LCT: variants seen among roughly 807,000 people sequenced by gnomAD.
LCT encodes the protein lactase.
LCT carries 90 observed loss-of-function variants against 173.0 expected under a neutral mutation model. The observed-to-expected ratio is 0.52, with a 90% CI of 0.44 to 0.62. The LOEUF (loss-of-function observed/expected upper bound fraction) is 0.62. Ranked by LOEUF, LCT falls within the 20% of genes least tolerant of loss-of-function variation. The probability of loss-of-function intolerance (pLI) is 0.00; values close to 1 mark genes in which losing one functional copy is unlikely to be tolerated. For synonymous variants in LCT, 853 were observed against 957.6 expected (o/e 0.89, Z 2.02); for missense variants, 1,864 against 2,431.4 (o/e 0.77, Z 4.91).
chr2:135,803,931 T>C lies in LCT; in HGVS notation c.4662A>G (p.Pro1554=), dbSNP rs2077647566. The change falls in exon 11 of 17, where the codon CCA becomes CCG. Residue 1554 remains proline, a splice_region_variant and synonymous_variant. Transcript: ENST00000264162. The stretch of plus-strand genomic sequence containing the variant: ...CTATGAGCCAGGGCTGGGACTTACC[T>C]GGAGCTGCTGTTCCGTAGCCATAGC... ...YQGYGYGTAA[P]GVSNRPGTAP... is the part of the protein sequence containing the mutation. 1 of 1,613,174 alleles carries C rather than the reference T, an allele frequency of 6.2e-7. No individual in the cohort carries two copies. The highest frequency in any genetic ancestry group is 1.3e-5 in the African/African-American group (1 of 74,934).
chr2:135,789,442 T>A, intron 16 of LCT, 129 bp downstream of exon 16: 1 of 717,366 alleles, frequency 1.4e-6, no homozygotes. Context: ...AAATAAACAT[T>A]TGTTGAATGA....
intron 13 of LCT, among the ~76,000 whole-genome samples, chr2:135,795,917 T>C (rs1264804172): frequency 2.0e-5 from 3 of 151,994 alleles, no homozygotes; most frequent in Admixed American, 2.0e-4. Flanking sequence ...TGCGTCACCA[T>C]GCCTAGATAA....
chr2:135,832,853 A>G (rs1249830850), intron 2 of LCT, among the ~76,000 whole-genome samples: 1 of 151,976 alleles, frequency 6.6e-6, no homozygotes, highest in Non-Finnish European at 1.5e-5. Context: ...CTTATCCTAT[A>G]AGCTATTTTG....
chr2:135,836,452 G>T, intron 1 of LCT, 78 bp downstream of exon 1: 2 of 1,314,696 alleles, frequency 1.5e-6, no homozygotes, highest in Non-Finnish European at 2.2e-6. Context: ...GAGAAATGTC[G>T]AATCTGCTCT....
intron 6 of LCT, among the ~76,000 whole-genome samples, chr2:135,816,839 T>A (rs2077784390): frequency 6.6e-6 from 1 of 151,856 alleles, no homozygotes; most frequent in Non-Finnish European, 1.5e-5. Context: ...AAAGTACCAG[T>A]AGAGGGTCTG....
At chr2:135,829,845 G>GTGTGTGTA (rs1463848246) in intron 2 of LCT, among the ~76,000 whole-genome samples, 169 bp from the exon 3 acceptor site, 1 of 151,590 alleles carries the variant, frequency 6.6e-6, no homozygotes, top group East Asian at 1.9e-4. Flanking sequence ...GTGTGTGTGT[G>GTGTGTGTA]TGTGTGTGTG....
chr2:135,812,835 G>C lies in LCT; in HGVS notation c.1829C>G (p.Ser610Cys). Reference sequence around the variant, plus strand: ...TCTCAGGTCCTCAGGCCTCTCTGGAGACAGGGGTTCTGCCCAGTCTGAGTT... The same window carrying C: ...TCTCAGGTCCTCAGGCCTCTCTGGACACAGGGGTTCTGCCCAGTCTGAGTT... ...VLNSDWAEPLSPERPEDLRAS... is the reference protein window; with the variant it reads ...VLNSDWAEPLCPERPEDLRAS... Residue 610 changes from serine to cysteine, a missense_variant, in exon 7 of 17, where the codon TCT (serine) becomes TGT (cysteine). This residue lies in a region of LCT where 755 missense variants were observed against 926.3 expected (regional missense o/e 0.82). Coordinates refer to ENST00000264162, the MANE Select transcript of LCT (RefSeq NM_002299.4). 2 of 1,614,228 alleles carry C rather than the reference G, an allele frequency of 1.2e-6. No individual in the cohort carries two copies. The highest frequency in any genetic ancestry group is 1.7e-6 in the Non-Finnish European group (2 of 1,180,044).
chr2:135,804,156 A>G, intron 10 of LCT, 28 bp from the exon 11 acceptor site: 1 of 1,584,612 alleles, frequency 6.3e-7, no homozygotes. Flanking sequence ...CAGCTGTTGC[A>G]TCAGTCATGC....
intron 5 of LCT, 43 bp downstream of exon 5, chr2:135,821,977 C>T (rs1191037605): frequency 1.8e-6 from 2 of 1,103,420 alleles, no homozygotes; most frequent in Admixed American, 3.4e-5. Context: ...GAGTATTCTA[C>T]AAATATCAGT....
At chr2:135,824,234 C>T (rs2077863615) in intron 3 of LCT, among the ~76,000 whole-genome samples, 1 of 152,188 alleles carries the variant, frequency 6.6e-6, no homozygotes. Context: ...CCTCTTCTTT[C>T]ATCACAGGCT....
intron 16 of LCT, among the ~76,000 whole-genome samples, 155 bp from the exon 17 acceptor site, chr2:135,788,699 A>G (rs2077511536): frequency 6.6e-6 from 1 of 152,248 alleles, no homozygotes; most frequent in African/African-American, 2.4e-5. Flanking sequence ...ACTGTGTGTC[A>G]GGAGCCTCTG....
intron 15 of LCT, 86 bp from the exon 16 acceptor site, chr2:135,789,884 T>TGCTCTCCCCACC (rs1296613562): frequency 3.1e-5 from 32 of 1,026,046 alleles, no homozygotes; most frequent in East Asian, 1.9e-4. Context: ...GTCTGCCTAC[T>TGCTCTCCCCACC]GCTCTCCCCA....
chr2:135,809,314 G>C lies in LCT; in HGVS notation c.3033C>G (p.Asn1011Lys), dbSNP rs759404170. 6.2e-7 allele frequency: 1 copy of C among 1,614,216 alleles called. No homozygotes were observed. Among genetic ancestry groups the C allele is most frequent in the Non-Finnish European group, 8.5e-7 (1 of 1,180,020 alleles). Residue 1011 changes from asparagine to lysine, a missense_variant, in exon 8 of 17, where the codon AAC becomes AAG. By Grantham distance (94) the Asn-to-Lys change is moderately conservative. Coordinates refer to ENST00000264162, the MANE Select transcript of LCT (RefSeq NM_002299.4). This position sits in a 1 kb window ranked among gnomAD's most constrained non-coding sequence, Gnocchi z 5.5. ...GGAACAATGTCACCATGGGAAAGAT[G>C]TTGCTTGCCACCAAGCCATTGATCA... ...NRLINGLVAS[N>K]IFPMVTLFHW...
At chr2:135,810,949 C>T (rs1260056200) in intron 7 of LCT, among the ~76,000 whole-genome samples, 1 of 151,896 alleles carries the variant, frequency 6.6e-6, no homozygotes, top group Non-Finnish European at 1.5e-5. Flanking sequence ...ATGGTGTGAA[C>T]CCAGGAGGCG....
At position 135,788,388 on chromosome 2, in the gene LCT, T is replaced by A. The variant is rs138503256; in HGVS notation, c.5720A>T (p.Lys1907Met). Reference protein sequence around the residue: ...GLAFLSYKYCKRSKQGKTQRS... With the variant: ...GLAFLSYKYCMRSKQGKTQRS... ...TTGTGTTTTCCCTTGCTTAGAGCGC[T>A]TGCAGTACTTGTATGACAGAAATGC... Residue 1907 changes from lysine (K) to methionine (M), a missense_variant, in exon 17 of 17, where the codon AAG becomes ATG. Coordinates refer to ENST00000264162, the MANE Select transcript of LCT (RefSeq NM_002299.4). The A allele has an allele frequency of 6.2e-7, 1 of 1,614,188 alleles. No individual in the cohort carries two copies.
In LCT at chr2:135,819,353, T is replaced by C. The variant is rs571013920; in HGVS notation, c.987-1292A>G. Among the ~76,000 whole-genome samples, 147 of 152,274 alleles carry C rather than the reference T, an allele frequency of 9.7e-4. 1 individual carries two copies. Among genetic ancestry groups the C allele is most frequent in the African/African-American group, 3.2e-3 (134 of 41,564 alleles). ...GATTGCCAACTTCTAAATTGAGTCATGTCATGCAGGCAGGAAAGCATGCAT... is the reference window on the plus strand; with the variant it reads ...GATTGCCAACTTCTAAATTGAGTCACGTCATGCAGGCAGGAAAGCATGCAT... On this transcript the variant is annotated intron_variant, in intron 5 of 16. Coordinates refer to ENST00000264162, the MANE Select transcript of LCT (RefSeq NM_002299.4).
Position 135,798,169 on chromosome 2 carries a change from C to T in LCT, c.4867-31G>A, listed in dbSNP as rs370019999. 5.7e-5 allele frequency: 67 copies of T among 1,175,700 alleles called. 1 individual carries two copies. The highest frequency in any genetic ancestry group is 3.7e-4 in the Middle Eastern group (2 of 5,350). 72.8% of individuals were successfully genotyped at this position (1,175,700 alleles called of 1,614,324 possible). A position where few individuals can be genotyped will look rare whatever the true frequency, so the allele number is the denominator to read the frequency against. On this transcript the variant is annotated intron_variant, in intron 12 of 16. Transcript: ENST00000264162. ...GGTAGGGTGGGGGAGACAGCCCAGG[C>T]GTTACAGGTGGGCACAGCAAGAGAC...
chr2:135,819,730 G>C (rs900358179), intron 5 of LCT, among the ~76,000 whole-genome samples: 7 of 152,208 alleles, frequency 4.6e-5, no homozygotes, highest in Admixed American at 2.6e-4. Context: ...TGCGACTGTG[G>C]ATCGCAGCTG....
In LCT at chr2:135,836,989, T is replaced by C. The variant is rs1679418646; in HGVS notation, c.181A>G (p.Met61Val). Reference protein sequence around the residue: ...SSNFVAGDKDMYVCHQPLPTF... With the variant: ...SSNFVAGDKDVYVCHQPLPTF... ...GGCAGTGGCTGGTGACAAACATACATGTCTTTGTCCCCTGCTACAAAGTTA... is the reference window on the plus strand; with the variant it reads ...GGCAGTGGCTGGTGACAAACATACACGTCTTTGTCCCCTGCTACAAAGTTA... Residue 61 changes from methionine to valine, a missense_variant, in exon 1 of 17, where the codon ATG becomes GTG. Met to Val is a conservative substitution (Grantham distance 21). Transcript: ENST00000264162. The C allele has an allele frequency of 6.2e-7, 1 of 1,614,136 alleles. No homozygotes were observed. Among genetic ancestry groups the C allele is most frequent in the Non-Finnish European group, 8.5e-7 (1 of 1,179,988 alleles).
Sources: allele counts gnomAD v4.1 joint callset (sites outside exome capture counted in the v4.1 genomes callset), GRCh38; gene constraint gnomAD v4.1.1; regional missense constraint gnomAD v4.1.1; non-coding constraint Gnocchi (gnomAD v3.1); transcripts MANE v1.5; gene names NCBI Gene and HGNC (gene_info 2026-07-23, HGNC 2026-07-21).